CES4A: variants seen among roughly 807,000 people sequenced by gnomAD.
The protein encoded by CES4A is carboxylesterase 6.
A neutral mutation model predicts 65.4 loss-of-function variants in CES4A; 48 were observed. The ratio of observed to expected loss-of-function variants is 0.73; its 90% CI spans 0.58 to 0.93. The LOEUF (loss-of-function observed/expected upper bound fraction) is 0.93. Among genes scored for constraint, CES4A ranks in the 40% least tolerant of loss-of-function variants. The pLI is 0.00. For missense variants in CES4A, 685 were observed against 728.5 expected (o/e 0.94, Z 0.69); for synonymous variants, 247 against 281.8 (o/e 0.88, Z 1.24).
rs1338287819 is a variant in CES4A at position 67,000,519 on chromosome 16, G to GCACGCA, written c.261-111_261-106dup. ...TGTACACGCACACGCACGCACATGC[G>GCACGCA]CACGCACACGCACGCGCACAGACGC... On this transcript the variant is annotated intron_variant, in intron 2 of 13. Transcript: ENST00000648724. The surrounding 1 kb of genome is among the most constrained non-coding windows in gnomAD (Gnocchi z 4.2). 3 of 1,451,278 alleles carry GCACGCA rather than the reference G, an allele frequency of 2.1e-6. No homozygotes were observed. The highest frequency in any genetic ancestry group is 2.6e-4 in the Middle Eastern group (1 of 3,916). The allele number at this position is 1,451,278 out of a possible 1,614,324, so 89.9% of individuals were successfully genotyped here.
chr16:67,009,111 C>A, exon 14 of CES4A: 1 of 1,613,340 alleles, frequency 6.2e-7, no homozygotes, highest in Non-Finnish European at 8.5e-7. Context: ...CTGTACCAGT[C>A]TCAAAGACCT....
At chr16:67,002,925 C>T in intron 5 of CES4A, 145 bp from the exon 6 acceptor site, 1 of 684,962 alleles carries the variant, frequency 1.5e-6, no homozygotes, top group Non-Finnish European at 2.6e-6. Flanking sequence ...TCTAGGACAT[C>T]ACCCCAGGAC....
intron 1 of CES4A, among the ~76,000 whole-genome samples, chr16:66,994,364 T>G (rs1259140915): frequency 6.7e-6 from 1 of 148,702 alleles, no homozygotes; most frequent in Non-Finnish European, 1.5e-5. Flanking sequence ...GCCTCCTGAG[T>G]AGCAGTATTA....
chr16:66,997,948 AACACACACACACAC>A (rs57562021), intron 2 of CES4A, among the ~76,000 whole-genome samples: 329 of 127,374 alleles, frequency 2.6e-3, no homozygotes, highest in African/African-American at 4.0e-3. Flanking sequence ...CCCTATCTAA[AACACACACACACAC>A]ACACACACAC....
intron 1 of CES4A, among the ~76,000 whole-genome samples, chr16:66,990,491 G>A (rs1248220851): frequency 6.6e-6 from 1 of 152,078 alleles, no homozygotes; most frequent in East Asian, 1.9e-4. Context: ...AAGCTCAGGA[G>A]TTCAAGACCA....
chr16:66,996,100 C>T (rs755532265), intron 2 of CES4A: 29 of 547,340 alleles, frequency 5.3e-5, no homozygotes, highest in South Asian at 3.7e-4. Flanking sequence ...TGCAGTGGCA[C>T]GATCTCGGCT....
intron 11 of CES4A, 57 bp downstream of exon 11, chr16:67,005,450 G>A (rs1965682436): frequency 6.4e-7 from 1 of 1,553,188 alleles, no homozygotes; most frequent in Middle Eastern, 1.8e-4. Flanking sequence ...CAGGTGTGCT[G>A]TTTACCAACT....
At chr16:66,997,766 T>C (rs1964966786) in intron 2 of CES4A, among the ~76,000 whole-genome samples, 1 of 151,966 alleles carries the variant, frequency 6.6e-6, no homozygotes, top group Non-Finnish European at 1.5e-5. Flanking sequence ...GCTCAGGAGT[T>C]TGAGACCAGC....
At chr16:66,995,691 T>G in exon 2 of CES4A, 1 of 1,614,242 alleles carries the variant, frequency 6.2e-7, no homozygotes, top group Non-Finnish European at 8.5e-7. Flanking sequence ...GGAAAACAGA[T>G]GCATGTGGGG....
intron 1 of CES4A, 128 bp from the exon 2 acceptor site, chr16:66,995,500 G>A (rs943064685): frequency 3.3e-5 from 25 of 758,276 alleles, no homozygotes; most frequent in Admixed American, 1.5e-4. Context: ...GAGTGGCTGC[G>A]CAGGGGTGAC....
At chr16:67,004,286 G>A in intron 9 of CES4A, 62 bp downstream of exon 9, 1 of 1,572,522 alleles carries the variant, frequency 6.4e-7, no homozygotes, top group East Asian at 2.2e-5. Context: ...AGTGGAGGCA[G>A]GGAAGGATGC....
chr16:66,991,067 C>T (rs894929979), intron 1 of CES4A, among the ~76,000 whole-genome samples: 1 of 152,032 alleles, frequency 6.6e-6, no homozygotes, highest in Non-Finnish European at 1.5e-5. Flanking sequence ...CTCTGTCTCC[C>T]AGGCTGGAGC....
At chr16:67,005,564 G>A (rs1965690160) in intron 11 of CES4A, 171 bp downstream of exon 11, 1 of 652,592 alleles carries the variant, frequency 1.5e-6, no homozygotes, top group African/African-American at 1.9e-5. Context: ...AGAGAGGAAG[G>A]GGCCAGGCAC....
At chr16:66,992,192 C>T (rs1033713448) in intron 1 of CES4A, among the ~76,000 whole-genome samples, 22 of 152,246 alleles carry the variant, frequency 1.4e-4, no homozygotes, top group African/African-American at 4.6e-4. Flanking sequence ...CTCCCAAGTC[C>T]AGTGGAGAAG....
chr16:67,000,434 T>C lies in CES4A; in HGVS notation c.261-204T>C, dbSNP rs1965192689. ...ACTGAGGCGCCGGGCAGGGAGGGGA[T>C]GGTTCCTGAGAGGCCAACCTGCCTC... On this transcript the variant is annotated intron_variant, in intron 2 of 13. Coordinates refer to ENST00000648724, the Ensembl canonical transcript of CES4A. This position sits in a 1 kb window ranked among gnomAD's most constrained non-coding sequence, Gnocchi z 4.2. The C allele has an allele frequency of 1.1e-5, 15 of 1,384,516 alleles. No homozygotes were observed. The Admixed American group carries it at 3.8e-4, about 35-fold the overall frequency. 85.8% of individuals were successfully genotyped at this position (1,384,516 alleles called of 1,614,324 possible).
Position 67,003,396 on chromosome 16 carries a change from C to G in CES4A, c.900+36C>G. 6.2e-7 allele frequency: 1 copy of G among 1,604,868 alleles called. No individual in the cohort carries two copies. The highest frequency in any genetic ancestry group is 8.5e-7 in the Non-Finnish European group (1 of 1,171,746). On this transcript the variant is annotated intron_variant, in intron 7 of 13. Transcript: ENST00000648724. This position sits in a 1 kb window ranked among gnomAD's most constrained non-coding sequence, Gnocchi z 4.2. ...CATTCCAGCTGCCTGACCTGGCTGC[C>G]TGAGGGCCATCCTCCTATCCTGGTA... is the stretch of plus-strand genomic sequence containing the variant.
intron 1 of CES4A, among the ~76,000 whole-genome samples, chr16:66,993,303 A>G (rs1567570062): frequency 2.0e-5 from 3 of 152,096 alleles, no homozygotes; most frequent in Admixed American, 6.6e-5. Flanking sequence ...ATGTATATGG[A>G]CATGCATTTT....
rs1017188556 is a variant in CES4A, at chr16:67,001,910, G to A, written c.690+449G>A. On this transcript the variant is annotated intron_variant, in intron 5 of 13. Coordinates refer to ENST00000648724, the Ensembl canonical transcript of CES4A. This position sits in a 1 kb window ranked among gnomAD's most constrained non-coding sequence, Gnocchi z 4.1. ...GCCTGGAATGTGGGTGTACTGTAAG[G>A]TGCCCTGTGAGGGGCATATGGCTGG... Among the ~76,000 whole-genome samples, 4 of 152,264 alleles carry A rather than the reference G, an allele frequency of 2.6e-5. No individual in the cohort carries two copies. The highest frequency in any genetic ancestry group is 6.5e-5 in the Admixed American group (1 of 15,286).
In CES4A at chr16:67,004,244, A is replaced by G. The variant is rs751526096; in HGVS notation, c.1080+20A>G. ...CCTTATGTAAGTGAGTAGGAGTTCA[A>G]TTGGCTCTTGCCTTACGTAAGTGAG... is the stretch of plus-strand genomic sequence containing the variant. On this transcript the variant is annotated intron_variant, in intron 9 of 13. Coordinates refer to ENST00000648724, the Ensembl canonical transcript of CES4A. 19 of 1,613,736 alleles carry G rather than the reference A, an allele frequency of 1.2e-5. No homozygotes were observed. The highest frequency in any genetic ancestry group is 1.4e-5 in the Non-Finnish European group (16 of 1,179,806).
Sources: gnomAD v4.1 joint callset for allele counts (sites outside exome capture counted in the v4.1 genomes callset) on GRCh38, gnomAD v4.1.1 for gene constraint, Gnocchi (gnomAD v3.1) non-coding constraint, MANE v1.5 for transcripts, NCBI Gene and HGNC (gene_info 2026-07-23, HGNC 2026-07-21) for gene names.